Variants in NELL1 observed in about 807,000 individuals in gnomAD.
The protein encoded by NELL1 is protein kinase C-binding protein NELL1.
Under a neutral mutation model 107.4 loss-of-function variants are expected in NELL1, and 76 were observed. The ratio of observed to expected loss-of-function variants is 0.71; its 90% CI spans 0.59 to 0.86. The LOEUF (loss-of-function observed/expected upper bound fraction) is 0.86, where lower values mean the gene tolerates loss of function less well. Among genes scored for constraint, NELL1 ranks in the 40% least tolerant of loss-of-function variants. The pLI is 0.00. For missense variants in NELL1, 1,024 were observed against 1,005.5 expected (o/e 1.02, Z -0.25); for synonymous variants, 353 against 341.2 (o/e 1.03, Z -0.38).
chr11:21,542,050 G>T (rs1856304591), intron 16 of NELL1, among the ~76,000 whole-genome samples: 1 of 152,056 alleles, frequency 6.6e-6, no homozygotes, highest in African/African-American at 2.4e-5. Flanking sequence ...TCAGCACTTA[G>T]GTTTTAAGCA....
intron 14 of NELL1, among the ~76,000 whole-genome samples, chr11:21,266,136 T>C (rs1043343210): frequency 6.6e-6 from 1 of 151,954 alleles, no homozygotes; most frequent in Non-Finnish European, 1.5e-5. Context: ...CACAACCCAG[T>C]GAGGTCACTC....
At chr11:21,191,731 A>C (rs1857053927) in intron 13 of NELL1, among the ~76,000 whole-genome samples, 1 of 151,956 alleles carries the variant, frequency 6.6e-6, no homozygotes, top group Non-Finnish European at 1.5e-5. Flanking sequence ...CAATCTTTGG[A>C]CGAGACATTT....
intron 2 of NELL1, among the ~76,000 whole-genome samples, chr11:20,697,118 G>A (rs983161162): frequency 6.6e-6 from 1 of 152,156 alleles, no homozygotes; most frequent in Non-Finnish European, 1.5e-5. Flanking sequence ...ACAAATTAGC[G>A]ATGGTGCCGG....
chr11:21,555,819 A>T (rs146821732), intron 16 of NELL1, among the ~76,000 whole-genome samples: 1 of 152,000 alleles, frequency 6.6e-6, no homozygotes, highest in African/African-American at 2.4e-5. Flanking sequence ...TGAGCTCCTC[A>T]TCACGCTAAT....
intron 5 of NELL1, among the ~76,000 whole-genome samples, chr11:20,899,039 C>T (rs1284544876): frequency 6.6e-6 from 1 of 151,914 alleles, no homozygotes; most frequent in East Asian, 1.9e-4. Context: ...ATACATTTGC[C>T]ATCATACTGA....
At chr11:20,756,247 C>T (rs1856284404) in intron 2 of NELL1, among the ~76,000 whole-genome samples, 1 of 152,094 alleles carries the variant, frequency 6.6e-6, no homozygotes, top group Non-Finnish European at 1.5e-5. Flanking sequence ...CTATCTTAGG[C>T]CACCTGAATA....
Position 21,560,219 on chromosome 11 carries a change from C to A in NELL1, c.1817C>A (p.Thr606Asn). 1 of 1,613,704 alleles carries A rather than the reference C, an allele frequency of 6.2e-7. No individual in the cohort carries two copies. Among genetic ancestry groups the A allele is most frequent in the South Asian group, 1.1e-5 (1 of 91,084 alleles). Residue 606 changes from threonine (T) to asparagine (N), a missense_variant, in exon 17 of 20, where the codon ACC becomes AAC. Thr to Asn is a moderately conservative substitution (Grantham distance 65). Coordinates refer to ENST00000357134, the MANE Select transcript of NELL1 (RefSeq NM_006157.5). Reference protein sequence around the residue: ...DIDECALRTHTCWNDSACINL... With the variant: ...DIDECALRTHNCWNDSACINL... ...GATGAATGTGCCTTAAGAACTCACA[C>A]CTGTTGGAACGATTCTGCCTGCATC...
intron 13 of NELL1, among the ~76,000 whole-genome samples, chr11:21,120,207 G>C (rs189454029): frequency 5.3e-5 from 8 of 152,198 alleles, no homozygotes; most frequent in Admixed American, 3.3e-4. Context: ...ACACTATAAT[G>C]AAAAGAGATT....
chr11:20,756,737 C>T (rs111501469), intron 2 of NELL1, among the ~76,000 whole-genome samples: 15 of 151,900 alleles, frequency 9.9e-5, no homozygotes, highest in African/African-American at 2.7e-4. Flanking sequence ...CACTCACTGC[C>T]GGTAGGTTCC....
chr11:20,885,288 A>G (rs1389365158), intron 4 of NELL1, among the ~76,000 whole-genome samples, 156 bp from the exon 5 acceptor site: 1 of 152,260 alleles, frequency 6.6e-6, no homozygotes. Flanking sequence ...TCCAAGTGTT[A>G]GATCTCTACA....
chr11:21,125,244 G>C (rs1855461671), intron 13 of NELL1, among the ~76,000 whole-genome samples: 1 of 152,084 alleles, frequency 6.6e-6, no homozygotes, highest in Non-Finnish European at 1.5e-5. Context: ...AAAAGACCCA[G>C]TATTTCCATA....
Position 21,539,487 on chromosome 11 carries a change from T to C in NELL1, c.1786+4973T>C, listed in dbSNP as rs116566871. ...GAAGGATGGTGAATGTGGGATTTTA[T>C]TGAGTGGTGGAGGTGGCTCTCAGTG... On this transcript the variant is annotated intron_variant, in intron 16 of 19. Coordinates refer to ENST00000357134, the MANE Select transcript of NELL1 (RefSeq NM_006157.5). Among the ~76,000 whole-genome samples, 1,435 of 151,904 alleles carry C rather than the reference T, an allele frequency of 9.4e-3. 21 individuals carry two copies. Among genetic ancestry groups the C allele is most frequent in the African/African-American group, 0.033 (1,368 of 41,466 alleles).
intron 13 of NELL1, among the ~76,000 whole-genome samples, chr11:21,222,219 GC>G (rs1345931205): frequency 2.6e-5 from 4 of 151,828 alleles, no homozygotes; most frequent in African/African-American, 9.7e-5. Flanking sequence ...TTGCTCTGTC[GC>G]CGAGGCTGGA....
intron 13 of NELL1, among the ~76,000 whole-genome samples, chr11:21,154,354 C>T (rs1856184556): frequency 6.6e-6 from 1 of 152,250 alleles, no homozygotes; most frequent in East Asian, 1.9e-4. Flanking sequence ...AATGATTGGT[C>T]TGGGACTTGA....
chr11:20,849,127 C>A (rs1848751589), intron 4 of NELL1, among the ~76,000 whole-genome samples: 1 of 152,172 alleles, frequency 6.6e-6, no homozygotes, highest in Non-Finnish European at 1.5e-5. Context: ...ACTCCTATGA[C>A]CCACTGTGAC....
chr11:21,185,849 T>C (rs1255524575), intron 13 of NELL1, among the ~76,000 whole-genome samples: 1 of 151,810 alleles, frequency 6.6e-6, no homozygotes, highest in East Asian at 1.9e-4. Context: ...TTGATGAGTA[T>C]TTCTTATCTA....
At chr11:20,715,051 G>A (rs1855209397) in intron 2 of NELL1, among the ~76,000 whole-genome samples, 1 of 151,992 alleles carries the variant, frequency 6.6e-6, no homozygotes. Flanking sequence ...AGACCATCCT[G>A]GCTAACATGG....
chr11:21,266,967 C>T (rs989372497), intron 14 of NELL1, among the ~76,000 whole-genome samples: 3 of 152,036 alleles, frequency 2.0e-5, no homozygotes, highest in Non-Finnish European at 4.4e-5. Flanking sequence ...TCTCATAATT[C>T]TTAGCCTATT....
chr11:21,370,798 G>C, intron 14 of NELL1, 55 bp from the exon 15 acceptor site: 1 of 1,395,104 alleles, frequency 7.2e-7, no homozygotes, highest in Non-Finnish European at 1.0e-6. Context: ...GCTGTTTACC[G>C]TGAATTTATC....
Sources: gnomAD v4.1 joint callset for allele counts (sites outside exome capture counted in the v4.1 genomes callset) on GRCh38, gnomAD v4.1.1 for gene constraint, MANE v1.5 for transcripts, NCBI Gene and HGNC (gene_info 2026-07-23, HGNC 2026-07-21) for gene names.